POLG2: variants seen among roughly 807,000 people sequenced by gnomAD.
POLG2 encodes the protein DNA polymerase subunit gamma-2.
Under a neutral mutation model 56.5 loss-of-function variants are expected in POLG2, and 50 were observed. The observed-to-expected ratio is 0.88, with a 90% CI of 0.71 to 1.12. POLG2 has a LOEUF of 1.12. POLG2 is among the 50% of genes most tolerant of loss of function. The pLI, the probability that POLG2 is intolerant of heterozygous loss-of-function variation, is 0.00. For missense variants in POLG2, 584 were observed against 583.3 expected, an observed-to-expected ratio of 1.00 and a Z score of -0.01; for synonymous variants, 226 against 222.6, an observed-to-expected ratio of 1.02 and a Z score of -0.14.
chr17:64,491,261 G>A (rs2038053381), intron 3 of POLG2, among the ~76,000 whole-genome samples: 1 of 152,136 alleles, frequency 6.6e-6, no homozygotes, highest in South Asian at 2.1e-4. Flanking sequence ...AGGATTCAGA[G>A]TAGCTGGGAC....
At position 64,491,521 on chromosome 17, in the gene POLG2, A is replaced by G; in HGVS notation, c.796-552T>C. 1.2e-5 allele frequency: 19 copies of G among 1,526,654 alleles called. 1 individual carries two copies. The South Asian group carries it at 2.1e-4, about 17-fold the overall frequency. The allele number at this position is 1,526,654 out of a possible 1,614,324, so 94.6% of individuals were successfully genotyped here. On this transcript the variant is annotated intron_variant, in intron 3 of 7. Transcript: ENST00000539111. ...TGAGACTATGTCTCTAAAAAAACCAAGATGGAGTCAGTTGTACCAGTGAAG... is the reference window on the plus strand; with the variant it reads ...TGAGACTATGTCTCTAAAAAAACCAGGATGGAGTCAGTTGTACCAGTGAAG...
chr17:64,486,932 T>C (rs1555667587), intron 4 of POLG2: 1 of 152,260 alleles, frequency 6.6e-6, no homozygotes, highest in Non-Finnish European at 1.5e-5. Flanking sequence ...CATTTCAAAC[T>C]TCTTAAAAAT....
In POLG2 at chr17:64,492,963, G is replaced by A. The variant is rs782015674; in HGVS notation, c.621C>T (p.Gly207=). 12 of 1,613,552 alleles carry A rather than the reference G, an allele frequency of 7.4e-6. 2 individuals carry two copies. The highest frequency in any genetic ancestry group is 4.4e-5 in the South Asian group (4 of 91,074). Residue 207 remains glycine, a synonymous_variant, in exon 2 of 8, where the codon GGC becomes GGT. Coordinates refer to ENST00000539111, the MANE Select transcript of POLG2 (RefSeq NM_007215.4). ...GAAAACACACTCCAATCTGAGCAAG[G>A]CCATAAGGTAGCCTCTTGTTTACCA... The part of the protein sequence containing the change: ...LDLVNKRLPY[G]LAQIGVCFHP...
intron 6 of POLG2, among the ~76,000 whole-genome samples, chr17:64,482,264 C>T (rs569499774): frequency 1.3e-5 from 2 of 150,740 alleles, no homozygotes; most frequent in East Asian, 2.0e-4. Context: ...CCATTATGCT[C>T]GGCTAATTTT....
rs1460188330 is a variant in POLG2, at chr17:64,496,860, T to C, written c.109A>G (p.Ser37Gly). ...TTCACATGCCCTCCTTTGGGGCTAC[T>C]CCTTTCCGTCAACAGCTCCGGCTGC... ...AGQPELLTER[S>G]SPKGGHVKSH... Residue 37 changes from serine (S) to glycine (G), a missense_variant, in exon 1 of 8, where the codon AGT (serine) becomes GGT (glycine). Coordinates refer to ENST00000539111, the MANE Select transcript of POLG2 (RefSeq NM_007215.4). 3 of 1,613,622 alleles carry C rather than the reference T, an allele frequency of 1.9e-6. No homozygotes were observed. The highest frequency in any genetic ancestry group is 2.5e-6 in the Non-Finnish European group (3 of 1,180,022).
At chr17:64,482,705 T>A (rs2037882339) in intron 6 of POLG2, among the ~76,000 whole-genome samples, 1 of 152,184 alleles carries the variant, frequency 6.6e-6, no homozygotes, top group Admixed American at 6.5e-5. Context: ...AGGTTGAGCA[T>A]CCCTAATCAG....
rs2144124736 is a variant in POLG2 at position 64,479,139 on chromosome 17, C to G, written c.1292+1150G>C. On this transcript the variant is annotated intron_variant, in intron 7 of 7. Coordinates refer to ENST00000539111, the MANE Select transcript of POLG2 (RefSeq NM_007215.4). ...ACACATAATAAAACCATTAGATGCT[C>G]TAATTATAGAAAACTACTTTTCTTT... Among the ~76,000 whole-genome samples, 2 of 150,352 alleles carry G rather than the reference C, an allele frequency of 1.3e-5. 1 individual carries two copies. Among genetic ancestry groups the G allele is most frequent in the Non-Finnish European group, 3.0e-5 (2 of 67,772 alleles).
chr17:64,489,101 C>T (rs1271289450), intron 4 of POLG2, among the ~76,000 whole-genome samples: 1 of 149,254 alleles, frequency 6.7e-6, no homozygotes, highest in Non-Finnish European at 1.5e-5. Context: ...TCTTGGCTCA[C>T]TGATGATCCT....
chr17:64,489,981 G>A (rs1437365114), intron 4 of POLG2, among the ~76,000 whole-genome samples: 4 of 151,746 alleles, frequency 2.6e-5, no homozygotes, highest in African/African-American at 9.7e-5. Context: ...CTGCAGTGCA[G>A]TGGCACGATC....
At chr17:64,481,026 C>T (rs1289478878) in intron 6 of POLG2, among the ~76,000 whole-genome samples, 1 of 152,178 alleles carries the variant, frequency 6.6e-6, no homozygotes, top group Non-Finnish European at 1.5e-5. Context: ...AATTTAAAAA[C>T]CCCTTAACAG....
rs951707714 is a variant in POLG2 at position 64,491,686 on chromosome 17, G to A, written c.796-717C>T. ...AACAAGTACATCAACGTGAAGAAGG[G>A]GAGCATCTCGGGGTTTACCATGGTG... On this transcript the variant is annotated intron_variant, in intron 3 of 7. Coordinates refer to ENST00000539111, the MANE Select transcript of POLG2 (RefSeq NM_007215.4). The A allele has an allele frequency of 2.6e-6, 3 of 1,151,970 alleles. No individual in the cohort carries two copies. The African/African-American group carries it at 4.6e-5, about 18-fold the overall frequency. 71.4% of individuals were successfully genotyped at this position (1,151,970 alleles called of 1,614,324 possible). A position where few individuals can be genotyped will look rare whatever the true frequency, so the allele number is the denominator to read the frequency against.
chr17:64,481,995 G>C lies in POLG2; in HGVS notation c.1191+924C>G, dbSNP rs1462388799. Among the ~76,000 whole-genome samples, 3 of 151,756 alleles carry C rather than the reference G, an allele frequency of 2.0e-5. No homozygotes were observed. In the East Asian group the frequency reaches 5.8e-4, roughly 29 times the overall value. Reference sequence around the variant, plus strand: ...CACTAAAAAGTGAAACTATGAATGGGCATGAACAGCAAACCCAATGAACTG... The same window carrying C: ...CACTAAAAAGTGAAACTATGAATGGCCATGAACAGCAAACCCAATGAACTG... On this transcript the variant is annotated intron_variant, in intron 6 of 7. Coordinates refer to ENST00000539111, the MANE Select transcript of POLG2 (RefSeq NM_007215.4).
At chr17:64,479,232 G>T (rs2037818174) in intron 7 of POLG2, among the ~76,000 whole-genome samples, 1 of 144,310 alleles carries the variant, frequency 6.9e-6, no homozygotes, top group Non-Finnish European at 1.5e-5. Context: ...CACCCAGGAT[G>T]GAGTGCAGTG....
At chr17:64,483,528 AC>A (rs1162828346) in intron 5 of POLG2, among the ~76,000 whole-genome samples, 1 of 150,844 alleles carries the variant, frequency 6.6e-6, no homozygotes, top group African/African-American at 2.4e-5. Context: ...AAAAAAAAAA[AC>A]AAATTAACTT....
intron 4 of POLG2, among the ~76,000 whole-genome samples, chr17:64,487,873 T>C (rs1246834384): frequency 6.6e-6 from 1 of 152,192 alleles, no homozygotes; most frequent in Non-Finnish European, 1.5e-5. Flanking sequence ...TATTGTTTTC[T>C]AATTTTTTGA....
chr17:64,478,294 C>T (rs2037801116), intron 7 of POLG2, among the ~76,000 whole-genome samples: 1 of 152,142 alleles, frequency 6.6e-6, no homozygotes, highest in South Asian at 2.1e-4. Flanking sequence ...ATAACCTCAG[C>T]CTTTTGGTTC....
intron 1 of POLG2, among the ~76,000 whole-genome samples, chr17:64,495,550 C>A (rs916589829): frequency 3.3e-5 from 5 of 152,174 alleles, no homozygotes; most frequent in Non-Finnish European, 5.9e-5. Flanking sequence ...GCACTCGAGT[C>A]TGGGTGACAG....
intron 4 of POLG2, among the ~76,000 whole-genome samples, chr17:64,486,172 A>G (rs1483249054): frequency 6.6e-6 from 1 of 152,152 alleles, no homozygotes; most frequent in Non-Finnish European, 1.5e-5. Context: ...CTCTGCTCTC[A>G]CTGAGCTCAG....
intron 7 of POLG2, among the ~76,000 whole-genome samples, chr17:64,479,171 C>T (rs1448733790): frequency 6.7e-6 from 1 of 148,996 alleles, no homozygotes; most frequent in Non-Finnish European, 1.5e-5. Flanking sequence ...CTTTGGACAT[C>T]ATCTGAAAGG....
Sources: allele counts gnomAD v4.1 joint callset (sites outside exome capture counted in the v4.1 genomes callset), GRCh38; gene constraint gnomAD v4.1.1; transcripts MANE v1.5; gene names NCBI Gene and HGNC (gene_info 2026-07-23, HGNC 2026-07-21).